The following CHRM3 variants were observed in gnomAD, a reference collection of about 807,000 sequenced individuals.
CHRM3 encodes the protein cholinergic receptor muscarinic 3, also known as muscarinic acetylcholine receptor M3.
Under a neutral mutation model 41.8 loss-of-function variants are expected in CHRM3, and 11 were observed. That is an observed-to-expected ratio of 0.26 (90% CI 0.17 to 0.44). CHRM3 has a LOEUF of 0.44. Ranked by LOEUF, CHRM3 falls within the 20% of genes least tolerant of loss-of-function variation. The probability of loss-of-function intolerance (pLI) is 1.00; values close to 1 mark genes in which losing one functional copy is unlikely to be tolerated. For missense variants in CHRM3, 571 were observed against 745.4 expected (o/e 0.77, Z 2.72); for synonymous variants, 297 against 301.4 (o/e 0.99, Z 0.15).
chr1:239,717,946 C>A (rs1662555498), intron 5 of CHRM3, among the ~76,000 whole-genome samples: 1 of 152,032 alleles, frequency 6.6e-6, no homozygotes, highest in Admixed American at 6.6e-5. Flanking sequence ...GCTGAGTTTT[C>A]TATTTGTCTA....
intron 6 of CHRM3, among the ~76,000 whole-genome samples, chr1:239,896,135 G>A (rs61829365): frequency 0.079 from 12,007 of 152,234 alleles, 739 homozygotes; most frequent in East Asian, 0.25. Flanking sequence ...TCCTGGGAGA[G>A]ACACAGTGAA....
intron 4 of CHRM3, among the ~76,000 whole-genome samples, chr1:239,633,651 G>C (rs1670118053): frequency 6.6e-6 from 1 of 152,150 alleles, no homozygotes; most frequent in Non-Finnish European, 1.5e-5. Flanking sequence ...AGACTTTCAA[G>C]AGGAGATTCC....
chr1:239,565,970 A>G (rs1233907459), intron 3 of CHRM3, among the ~76,000 whole-genome samples: 1 of 136,110 alleles, frequency 7.3e-6, no homozygotes, highest in Non-Finnish European at 1.5e-5. Context: ...TCTGGAGTGC[A>G]GTCGTGTGAT....
Position 239,907,527 on chromosome 1 carries a change from G to A in CHRM3, c.76G>A (p.Asp26Asn), listed in dbSNP as rs200014816. The change falls in exon 7 of 7, where the codon GAT becomes AAT. Residue 26 changes from aspartate to asparagine, a missense_variant. This residue lies in a region of CHRM3 where 92 missense variants were observed against 76.1 expected (regional missense o/e 1.21). Coordinates refer to ENST00000676153, the MANE Select transcript of CHRM3 (RefSeq NM_001375978.1). The surrounding 1 kb of genome is among the most constrained non-coding windows in gnomAD (Gnocchi z 5.4). ...CTCCTCCTGGATACACAGCCCCTCC[G>A]ATGCAGGGCTGCCCCCGGGAACCGT... ...ISSSWIHSPS[D>N]AGLPPGTVTH... The A allele has an allele frequency of 5.2e-5, 84 of 1,613,970 alleles. No individual in the cohort carries two copies. The highest frequency in any genetic ancestry group is 3.3e-4 in the Middle Eastern group (2 of 6,084).
chr1:239,482,312 A>C (rs1241078222), intron 1 of CHRM3, among the ~76,000 whole-genome samples: 1 of 152,126 alleles, frequency 6.6e-6, no homozygotes, highest in Non-Finnish European at 1.5e-5. Flanking sequence ...ACTTCTGTCC[A>C]CGTGGACATG....
chr1:239,605,505 CTCA>C (rs376507878), intron 3 of CHRM3, among the ~76,000 whole-genome samples: 2 of 152,064 alleles, frequency 1.3e-5, no homozygotes, highest in African/African-American at 4.8e-5. Flanking sequence ...AGACTAGATC[CTCA>C]TCATTAAGCA....
intron 4 of CHRM3, among the ~76,000 whole-genome samples, chr1:239,654,253 G>A (rs1329820768): frequency 6.6e-6 from 1 of 152,164 alleles, no homozygotes; most frequent in Admixed American, 6.5e-5. Context: ...ACAGGTGCGA[G>A]CCACTGTACC....
chr1:239,466,035 C>T (rs1665704609), intron 1 of CHRM3, among the ~76,000 whole-genome samples: 1 of 152,044 alleles, frequency 6.6e-6, no homozygotes, highest in African/African-American at 2.4e-5. Context: ...TCTTTGTCAC[C>T]CAGGCTGGAG....
At chr1:239,585,534 G>A (rs533651906) in intron 3 of CHRM3, among the ~76,000 whole-genome samples, 1 of 152,238 alleles carries the variant, frequency 6.6e-6, no homozygotes, top group African/African-American at 2.4e-5. Flanking sequence ...TGTCATAAAG[G>A]GCAACCGTCA....
Position 239,907,351 on chromosome 1 carries a change from G to A in CHRM3, c.-19-82G>A, listed in dbSNP as rs1231853315. 1 of 1,043,726 alleles carries A rather than the reference G, an allele frequency of 9.6e-7. No individual in the cohort carries two copies. Among genetic ancestry groups the A allele is most frequent in the Admixed American group, 2.4e-5 (1 of 41,564 alleles). The allele number at this position is 1,043,726 out of a possible 1,614,324, so 64.7% of individuals were successfully genotyped here. ...CAGCACCCTGTAATAGGCCTTCCATGTCTTTTAACGTATGTAATGCAAAGA... is the reference window on the plus strand; with the variant it reads ...CAGCACCCTGTAATAGGCCTTCCATATCTTTTAACGTATGTAATGCAAAGA... On this transcript the variant is annotated intron_variant, in intron 6 of 6. Transcript: ENST00000676153. This position sits in a 1 kb window ranked among gnomAD's most constrained non-coding sequence, Gnocchi z 5.4.
chr1:239,874,647 G>A (rs1676962467), intron 6 of CHRM3, among the ~76,000 whole-genome samples: 1 of 151,190 alleles, frequency 6.6e-6, no homozygotes, highest in East Asian at 1.9e-4. Flanking sequence ...TAAGGGCAAT[G>A]TCAGTCTGTT....
intron 2 of CHRM3, among the ~76,000 whole-genome samples, chr1:239,504,605 A>G (rs1668443939): frequency 6.6e-6 from 1 of 152,242 alleles, no homozygotes; most frequent in South Asian, 2.1e-4. Context: ...TGAAAGAGAT[A>G]CTTGCACACA....
intron 5 of CHRM3, among the ~76,000 whole-genome samples, chr1:239,684,748 G>GAAAGAA (rs1553363709): frequency 4.5e-4 from 49 of 107,806 alleles, no homozygotes; most frequent in African/African-American, 1.5e-3. Context: ...GAGAAAGAAA[G>GAAAGAA]AGAAAGAAAG....
chr1:239,834,856 TG>T (rs1294208929), intron 6 of CHRM3, among the ~76,000 whole-genome samples: 1 of 152,214 alleles, frequency 6.6e-6, no homozygotes, highest in Non-Finnish European at 1.5e-5. Context: ...TGATATTCAC[TG>T]GGTACACCTT....
chr1:239,628,554 G>A (rs1326401663), intron 3 of CHRM3, among the ~76,000 whole-genome samples: 1 of 69,424 alleles, frequency 1.4e-5, no homozygotes, highest in South Asian at 4.2e-4. Context: ...GAGGAACTGC[G>A]TTCCTTTGGA....
chr1:239,618,713 A>C (rs141451974), intron 3 of CHRM3, among the ~76,000 whole-genome samples: 2 of 149,518 alleles, frequency 1.3e-5, no homozygotes, highest in Non-Finnish European at 3.0e-5. Context: ...GCGTGGTGGC[A>C]GCCACCTGTA....
chr1:239,754,632 C>T (rs904317630), intron 5 of CHRM3, among the ~76,000 whole-genome samples: 3 of 152,170 alleles, frequency 2.0e-5, no homozygotes, highest in African/African-American at 7.2e-5. Flanking sequence ...ATTTTACTCC[C>T]TGTCAGTGTT....
intron 5 of CHRM3, among the ~76,000 whole-genome samples, chr1:239,726,675 T>C (rs999871994): frequency 6.6e-6 from 1 of 151,878 alleles, no homozygotes; most frequent in Non-Finnish European, 1.5e-5. Flanking sequence ...GGGCAATAAT[T>C]CTGTTTTCTG....
At chr1:239,711,409 G>A (rs1661773377) in intron 5 of CHRM3, among the ~76,000 whole-genome samples, 1 of 151,584 alleles carries the variant, frequency 6.6e-6, no homozygotes, top group African/African-American at 2.4e-5. Flanking sequence ...ATAATGCTTG[G>A]CCACCCAGAC....
Sources: gnomAD v4.1 joint callset for allele counts (sites outside exome capture counted in the v4.1 genomes callset) on GRCh38, gnomAD v4.1.1 for gene constraint, gnomAD v4.1.1 regional missense constraint, Gnocchi (gnomAD v3.1) non-coding constraint, MANE v1.5 for transcripts, NCBI Gene and HGNC (gene_info 2026-07-23, HGNC 2026-07-21) for gene names.